Variants in WWOX observed in about 807,000 individuals in gnomAD.
WWOX encodes WW domain-containing oxidoreductase.
WWOX carries 69 observed loss-of-function variants against 46.2 expected under a neutral mutation model. The ratio of observed to expected loss-of-function variants is 1.49; its 90% CI spans 1.23 to 1.82. The LOEUF is 1.82. WWOX is among the 40% of genes most tolerant of loss of function. WWOX has a pLI of 0.00. For synonymous variants in WWOX, 359 were observed against 202.6 expected (o/e 1.77, Z -6.56); for missense variants, 919 against 542.6 (o/e 1.69, Z -6.89).
In WWOX at chr16:78,701,983, G is replaced by C. The variant is rs145336236; in HGVS notation, c.1056+269231G>C. On this transcript the variant is annotated intron_variant, in intron 8 of 8. Transcript: ENST00000566780. ...GAGGATCATTTGAGCCCAGGAGTTG[G>C]AGACTAGCCTGGGCTACATAAAATT... 8.2e-3 allele frequency among the ~76,000 whole-genome samples: 1,083 copies of C among 132,690 alleles called. 21 individuals are homozygous for C. The highest frequency in any genetic ancestry group is 0.03 in the African/African-American group (1,021 of 33,784). 87.0% of individuals were successfully genotyped at this position (132,690 alleles called of 152,430 possible). A position where few individuals can be genotyped will look rare whatever the true frequency, so the allele number is the denominator to read the frequency against.
At chr16:78,100,170 C>T in intron 1 of WWOX, 1 of 1,278,494 alleles carries the variant, frequency 7.8e-7, no homozygotes, top group Non-Finnish European at 1.0e-6. Context: ...CTCATCCCCG[C>T]CAAAAAATAA....
chr16:78,705,247 C>G (rs981032483), intron 8 of WWOX, among the ~76,000 whole-genome samples: 3 of 152,182 alleles, frequency 2.0e-5, no homozygotes, highest in African/African-American at 4.8e-5. Context: ...GAGGTTTTCT[C>G]TATGCATATT....
At chr16:78,978,586 G>C (rs918323705) in intron 8 of WWOX, among the ~76,000 whole-genome samples, 8 of 152,146 alleles carry the variant, frequency 5.3e-5, no homozygotes, top group African/African-American at 1.9e-4. Context: ...GATTCTGCAG[G>C]CTGCACAGGA....
At chr16:78,587,254 T>G (rs2045232537) in intron 8 of WWOX, among the ~76,000 whole-genome samples, 1 of 148,964 alleles carries the variant, frequency 6.7e-6, no homozygotes, top group African/African-American at 2.5e-5. Flanking sequence ...CAGGCTTGTC[T>G]TGTACTGGGC....
At chr16:78,869,310 G>T (rs879933816) in intron 8 of WWOX, among the ~76,000 whole-genome samples, 7 of 152,096 alleles carry the variant, frequency 4.6e-5, no homozygotes, top group Non-Finnish European at 8.8e-5. Context: ...TCCGAGAGTT[G>T]GTTGTGATTA....
intron 8 of WWOX, among the ~76,000 whole-genome samples, chr16:78,622,296 A>T (rs1008887570): frequency 1.3e-5 from 2 of 151,988 alleles, no homozygotes; most frequent in African/African-American, 4.8e-5. Context: ...TAATCCCAGC[A>T]CTTTGGGACG....
At chr16:79,069,259 T>G (rs568381536) in intron 8 of WWOX, among the ~76,000 whole-genome samples, 7 of 152,320 alleles carry the variant, frequency 4.6e-5, no homozygotes, top group South Asian at 4.1e-4. Flanking sequence ...TTAATGCTGT[T>G]TAGAGTTGCC....
intron 8 of WWOX, among the ~76,000 whole-genome samples, chr16:79,075,567 T>C (rs562666211): frequency 3.3e-4 from 50 of 151,988 alleles, no homozygotes; most frequent in African/African-American, 1.1e-3. Flanking sequence ...TTTTTTCTTT[T>C]GTTTAGACGG....
At chr16:79,040,346 C>T (rs2047947153) in intron 8 of WWOX, among the ~76,000 whole-genome samples, 1 of 149,936 alleles carries the variant, frequency 6.7e-6, no homozygotes. Context: ...GCGATCTCAG[C>T]TCACTGCCAC....
chr16:78,418,300 C>A (rs1475935860), intron 6 of WWOX, among the ~76,000 whole-genome samples: 1 of 151,522 alleles, frequency 6.6e-6, no homozygotes, highest in Non-Finnish European at 1.5e-5. Context: ...GGAGGTGGAG[C>A]TTGCAGTGAG....
chr16:78,254,548 C>A (rs1002364287), intron 5 of WWOX, among the ~76,000 whole-genome samples: 4 of 129,926 alleles, frequency 3.1e-5, no homozygotes, highest in African/African-American at 1.2e-4. Flanking sequence ...CTCTGTGGCC[C>A]AGGCTAGTAT....
intron 8 of WWOX, among the ~76,000 whole-genome samples, chr16:78,676,316 C>A (rs1455337453): frequency 6.6e-6 from 1 of 151,984 alleles, no homozygotes; most frequent in Non-Finnish European, 1.5e-5. Context: ...CAGACTTTGT[C>A]CCCTTTTGTT....
At chr16:78,715,503 A>T (rs1230184422) in intron 8 of WWOX, among the ~76,000 whole-genome samples, 1 of 144,944 alleles carries the variant, frequency 6.9e-6, no homozygotes, top group Non-Finnish European at 1.5e-5. Flanking sequence ...TTGTTTTTTA[A>T]GATGAAGCCT....
intron 8 of WWOX, among the ~76,000 whole-genome samples, chr16:79,140,568 C>G (rs939164044): frequency 2.6e-5 from 4 of 152,214 alleles, no homozygotes; most frequent in African/African-American, 4.8e-5. Context: ...TTGCAAACCT[C>G]TCTCAGCATT....
Position 78,099,726 on chromosome 16 carries a change from C to G in WWOX, c.-53C>G, listed in dbSNP as rs1190228246. ...TTTGGAGCGGGAGTGAGTTCCTGAG[C>G]GAGTGGACCCGGCAGCGGGCGATAG... On this transcript the variant is annotated 5_prime_UTR_variant, in exon 1 of 9. Coordinates refer to ENST00000566780, the MANE Select transcript of WWOX (RefSeq NM_016373.4). 13 of 1,505,422 alleles carry G rather than the reference C, an allele frequency of 8.6e-6. No homozygotes were observed. In the East Asian group the frequency reaches 3.4e-4, roughly 39 times the overall value. The allele number at this position is 1,505,422 out of a possible 1,614,324, so 93.3% of individuals were successfully genotyped here. A position where few individuals can be genotyped will look rare whatever the true frequency, so the allele number is the denominator to read the frequency against.
intron 8 of WWOX, among the ~76,000 whole-genome samples, chr16:78,558,508 T>C (rs1386138441): frequency 6.6e-6 from 1 of 152,256 alleles, no homozygotes. Flanking sequence ...GCTGCCCCTC[T>C]TTAGCTGGGG....
intron 5 of WWOX, among the ~76,000 whole-genome samples, chr16:78,244,783 C>G (rs551012559): frequency 6.6e-6 from 1 of 152,256 alleles, no homozygotes; most frequent in Admixed American, 6.5e-5. Flanking sequence ...CAGCCCTTAT[C>G]CAGTGAATTC....
At chr16:78,550,342 A>G (rs1243917960) in intron 8 of WWOX, among the ~76,000 whole-genome samples, 5 of 152,228 alleles carry the variant, frequency 3.3e-5, no homozygotes, top group East Asian at 1.9e-4. Flanking sequence ...CAAGGTACCT[A>G]TCACAACTAC....
At chr16:79,185,079 G>C (rs2050986750) in intron 8 of WWOX, among the ~76,000 whole-genome samples, 1 of 152,202 alleles carries the variant, frequency 6.6e-6, no homozygotes, top group African/African-American at 2.4e-5. Flanking sequence ...GAGGTCTTGA[G>C]ATAAGAAAAA....
Sources: allele counts gnomAD v4.1 joint callset (sites outside exome capture counted in the v4.1 genomes callset), GRCh38; gene constraint gnomAD v4.1.1; transcripts MANE v1.5; gene names NCBI Gene and HGNC (gene_info 2026-07-23, HGNC 2026-07-21).